The following SPMIP2 variants were observed in gnomAD, a reference collection of about 807,000 sequenced individuals.
The protein encoded by SPMIP2 is sperm microtubule inner protein 2, also known as protein SPMIP2.
chr4:158,955,644 G>C, the SPMIP2 span, among the ~76,000 whole-genome samples: 2 of 152,198 alleles, frequency 1.3e-5, no homozygotes, highest in Admixed American at 6.5e-5. Context: ...GACCTCAGGT[G>C]ATCTGCCTGC....
chr4:159,054,175 G>A, the SPMIP2 span, among the ~76,000 whole-genome samples: 1 of 151,940 alleles, frequency 6.6e-6, no homozygotes, highest in Non-Finnish European at 1.5e-5. Context: ...TAGAGACAGG[G>A]TCTCACTATG....
the SPMIP2 span, among the ~76,000 whole-genome samples, chr4:159,021,452 A>G: frequency 2.2e-4 from 33 of 152,350 alleles, no homozygotes; most frequent in Admixed American, 1.3e-3. Flanking sequence ...CTCCTGGGTG[A>G]GCAGCAGCTG....
At chr4:159,082,465 G>A in the SPMIP2 span, among the ~76,000 whole-genome samples, 2 of 149,206 alleles carry the variant, frequency 1.3e-5, no homozygotes, top group Admixed American at 6.7e-5. Flanking sequence ...GTGTGTGTGT[G>A]TGTGTGTGTG....
chr4:159,051,240 T>C, the SPMIP2 span, among the ~76,000 whole-genome samples: 2 of 152,210 alleles, frequency 1.3e-5, no homozygotes, highest in Non-Finnish European at 1.5e-5. Flanking sequence ...GTTTGAATTA[T>C]GTTCAGATGA....
At chr4:158,894,107 G>T in the SPMIP2 span, among the ~76,000 whole-genome samples, 7 of 151,338 alleles carry the variant, frequency 4.6e-5, no homozygotes, top group South Asian at 1.0e-3. Context: ...ATCCCAGAAA[G>T]AGGAGTTTAA....
At chr4:158,910,407 T>C in the SPMIP2 span, among the ~76,000 whole-genome samples, 1 of 152,120 alleles carries the variant, frequency 6.6e-6, no homozygotes, top group African/African-American at 2.4e-5. Flanking sequence ...CCTGAGTAGT[T>C]GGGATTACAG....
At chr4:158,928,729 C>T in the SPMIP2 span, among the ~76,000 whole-genome samples, 1 of 152,166 alleles carries the variant, frequency 6.6e-6, no homozygotes, top group African/African-American at 2.4e-5. Context: ...TGCTACTGCT[C>T]AGTCTTTGGG....
At chr4:158,960,244 AG>A in the SPMIP2 span, 1 of 1,179,402 alleles carries the variant, frequency 8.5e-7, no homozygotes, top group Non-Finnish European at 1.2e-6. Context: ...AATTTAGGAA[AG>A]AAACACAGTA....
At chr4:158,995,206 C>T in the SPMIP2 span, among the ~76,000 whole-genome samples, 6 of 152,164 alleles carry the variant, frequency 3.9e-5, no homozygotes, top group East Asian at 3.8e-4. Context: ...GCATGAGTCC[C>T]GTGCCTGGAC....
the SPMIP2 span, among the ~76,000 whole-genome samples, chr4:158,992,764 G>A: frequency 6.6e-6 from 1 of 152,212 alleles, no homozygotes; most frequent in Non-Finnish European, 1.5e-5. Context: ...CAACAGGGCA[G>A]CAGGTGGAAG....
the SPMIP2 span, among the ~76,000 whole-genome samples, chr4:159,075,869 A>G: frequency 6.6e-6 from 1 of 151,824 alleles, no homozygotes; most frequent in Non-Finnish European, 1.5e-5. Context: ...AACATCCATG[A>G]GCGTTGGATA....
At chr4:159,062,830 A>T in the SPMIP2 span, among the ~76,000 whole-genome samples, 4 of 151,482 alleles carry the variant, frequency 2.6e-5, no homozygotes, top group African/African-American at 9.7e-5. Flanking sequence ...CTAAGACTAC[A>T]GGTGTGCACC....
the SPMIP2 span, among the ~76,000 whole-genome samples, chr4:158,928,858 T>TGTTAACA: frequency 6.7e-6 from 1 of 150,356 alleles, no homozygotes; most frequent in Non-Finnish European, 1.5e-5. Context: ...CTTTAAGAGC[T>TGTTAACA]GTTAACAGTC....
the SPMIP2 span, among the ~76,000 whole-genome samples, chr4:158,935,763 G>T: frequency 6.6e-6 from 1 of 152,208 alleles, no homozygotes; most frequent in Non-Finnish European, 1.5e-5. Flanking sequence ...ATAGGCTTCA[G>T]CCTTCAGTGA....
At chr4:158,893,958 G>C in the SPMIP2 span, among the ~76,000 whole-genome samples, 1 of 152,024 alleles carries the variant, frequency 6.6e-6, no homozygotes, top group Non-Finnish European at 1.5e-5. Context: ...TTTATCTGCA[G>C]TTTAAAATTC....
At chr4:159,007,034 G>A in the SPMIP2 span, 40 of 432,300 alleles carry the variant, frequency 9.3e-5, 1 homozygote, top group South Asian at 6.7e-4. Context: ...TTTTGATGCC[G>A]GCAGTATTTT....
chr4:158,941,139 G>A, the SPMIP2 span, among the ~76,000 whole-genome samples: 29 of 152,116 alleles, frequency 1.9e-4, no homozygotes, highest in African/African-American at 5.3e-4. Flanking sequence ...AAATGCACAC[G>A]TACAGATAGA....
At chr4:159,048,876 T>C in the SPMIP2 span, among the ~76,000 whole-genome samples, 1 of 151,744 alleles carries the variant, frequency 6.6e-6, no homozygotes, top group African/African-American at 2.4e-5. Context: ...GGCTTAATAA[T>C]TATTATTTTT....
the SPMIP2 span, among the ~76,000 whole-genome samples, chr4:159,022,712 C>T: frequency 2.0e-5 from 3 of 152,176 alleles, no homozygotes; most frequent in Non-Finnish European, 4.4e-5. Flanking sequence ...AGCTCAGAGT[C>T]CCCTTCAGGA....
Sources: allele counts gnomAD v4.1 joint callset (sites outside exome capture counted in the v4.1 genomes callset), GRCh38; gene constraint gnomAD v4.1.1; transcripts MANE v1.5; gene names NCBI Gene and HGNC (gene_info 2026-07-23, HGNC 2026-07-21).